Variants in B4GALT1 observed in about 807,000 individuals in gnomAD.
The protein encoded by B4GALT1 is beta-1,4-galactosyltransferase 1.
Under a neutral mutation model 34.9 loss-of-function variants are expected in B4GALT1, and 16 were observed. That is an observed-to-expected ratio of 0.46 (90% CI 0.31 to 0.70). The LOEUF (loss-of-function observed/expected upper bound fraction) is 0.70. Ranked by LOEUF, B4GALT1 falls within the 30% of genes least tolerant of loss-of-function variation. The probability of loss-of-function intolerance (pLI) is 0.05; values close to 1 mark genes in which losing one functional copy is unlikely to be tolerated. For synonymous variants in B4GALT1, 221 were observed against 218.1 expected, an observed-to-expected ratio of 1.01 and a Z score of -0.12; for missense variants, 445 against 530.5, an observed-to-expected ratio of 0.84 and a Z score of 1.58.
chr9:33,148,330 T>C (rs997850434), intron 1 of B4GALT1, among the ~76,000 whole-genome samples: 1 of 152,090 alleles, frequency 6.6e-6, no homozygotes, highest in African/African-American at 2.4e-5. Context: ...TGGCAAAAAA[T>C]AGGAAGCTGG....
At chr9:33,107,480 CCAGGGAGGCGCCACT>C (rs1839806491), downstream of B4GALT1, among the ~76,000 whole-genome samples, 1 of 152,174 alleles carries the variant, frequency 6.6e-6, no homozygotes, top group East Asian at 1.9e-4. Context: ...CATGTCTCGC[CCAGGGAGGCGCCACT>C]CATTCACCCC....
At chr9:33,119,261 G>A (rs961158560) in intron 3 of B4GALT1, among the ~76,000 whole-genome samples, 6 of 152,156 alleles carry the variant, frequency 3.9e-5, no homozygotes, top group Non-Finnish European at 8.8e-5. Context: ...ACAAAACAAT[G>A]GACTATAAGG....
chr9:33,184,443 T>G, the B4GALT1 span, among the ~76,000 whole-genome samples: 1 of 152,142 alleles, frequency 6.6e-6, no homozygotes, highest in Non-Finnish European at 1.5e-5. Context: ...CATAACTGCA[T>G]TTGATAAGCT....
In B4GALT1 at chr9:33,111,146, G is replaced by GGCCCAGGTGA. The variant is rs1430113128; in HGVS notation, c.*2298_*2307dup. On this transcript the variant is annotated 3_prime_UTR_variant, in exon 6 of 6. Coordinates refer to ENST00000379731, the MANE Select transcript of B4GALT1 (RefSeq NM_001497.4). ...CTAACTGTGCCCTGGCTGTGCCTTG[G>GGCCCAGGTGA]GCCCAGGTGAGCCCATGAGAGCACT... 6.6e-6 allele frequency: 1 copy of GGCCCAGGTGA among 151,374 alleles called. No homozygotes were observed. Among genetic ancestry groups the GGCCCAGGTGA allele is most frequent in the Admixed American group, 6.7e-5 (1 of 14,994 alleles). 9.4% of individuals were successfully genotyped at this position (151,374 alleles called of 1,614,324 possible).
At chr9:33,154,790 T>A (rs1840572986) in intron 1 of B4GALT1, among the ~76,000 whole-genome samples, 1 of 152,214 alleles carries the variant, frequency 6.6e-6, no homozygotes, top group Admixed American at 6.5e-5. Context: ...CCAGGATGGC[T>A]TTGAATGCAG....
chr9:33,135,639 G>A (rs1228528080), intron 1 of B4GALT1, among the ~76,000 whole-genome samples: 8 of 152,180 alleles, frequency 5.3e-5, no homozygotes, highest in Non-Finnish European at 1.0e-4. Flanking sequence ...TTCAGTGTGG[G>A]GCAAACCTAG....
At chr9:33,120,360 T>G in intron 3 of B4GALT1, 59 bp downstream of exon 3, 1 of 1,593,050 alleles carries the variant, frequency 6.3e-7, no homozygotes, top group Non-Finnish European at 8.6e-7. Context: ...GGACTGCATT[T>G]CCTAGTCAAC....
intron 1 of B4GALT1, among the ~76,000 whole-genome samples, chr9:33,162,111 T>G (rs961097342): frequency 6.6e-6 from 1 of 152,178 alleles, no homozygotes; most frequent in African/African-American, 2.4e-5. Flanking sequence ...CCAAAGACCA[T>G]AATACCCAGT....
chr9:33,156,928 G>A (rs1238397362), intron 1 of B4GALT1, among the ~76,000 whole-genome samples: 1 of 152,178 alleles, frequency 6.6e-6, no homozygotes, highest in Non-Finnish European at 1.5e-5. Flanking sequence ...ACTTGGCAAA[G>A]GTAGGTGGGT....
At chr9:33,181,436 AC>A in the B4GALT1 span, among the ~76,000 whole-genome samples, 8 of 150,722 alleles carry the variant, frequency 5.3e-5, no homozygotes, top group African/African-American at 2.0e-4. Flanking sequence ...ACACACACAC[AC>A]ACACACACAC....
At chr9:33,135,535 C>A (rs976519857) in intron 1 of B4GALT1, 111 bp from the exon 2 acceptor site, 340 of 1,125,420 alleles carry the variant, frequency 3.0e-4, no homozygotes, top group Admixed American at 9.5e-4. Context: ...AATGTCTCCT[C>A]CTGGGAGGCA....
At chr9:33,147,695 A>G (rs1440653884) in intron 1 of B4GALT1, among the ~76,000 whole-genome samples, 1 of 152,226 alleles carries the variant, frequency 6.6e-6, no homozygotes, top group Non-Finnish European at 1.5e-5. Context: ...GAAAAAGAAG[A>G]GTGCTGGTGA....
intron 1 of B4GALT1, among the ~76,000 whole-genome samples, chr9:33,163,947 T>A (rs887131930): frequency 6.6e-6 from 1 of 152,072 alleles, no homozygotes; most frequent in African/African-American, 2.4e-5. Flanking sequence ...GGGTGCCCGG[T>A]GTGGGGGCGG....
At chr9:33,122,571 T>G (rs545802977) in intron 2 of B4GALT1, among the ~76,000 whole-genome samples, 2 of 152,240 alleles carry the variant, frequency 1.3e-5, no homozygotes, top group South Asian at 4.1e-4. Flanking sequence ...AAAGGCTGCC[T>G]GTGTGCGTAC....
chr9:33,176,318 A>G, the B4GALT1 span, among the ~76,000 whole-genome samples: 1 of 152,204 alleles, frequency 6.6e-6, no homozygotes, highest in African/African-American at 2.4e-5. Context: ...CAATTCTTGT[A>G]GGGGAAAAAA....
intron 3 of B4GALT1, among the ~76,000 whole-genome samples, chr9:33,118,741 A>G (rs182601549): frequency 1.8e-3 from 272 of 152,224 alleles, no homozygotes; most frequent in African/African-American, 6.3e-3. Flanking sequence ...AGCCAACCAC[A>G]CTGTACTAGT....
chr9:33,114,722 A>G (rs941143947), intron 4 of B4GALT1, among the ~76,000 whole-genome samples: 2 of 152,258 alleles, frequency 1.3e-5, no homozygotes, highest in Admixed American at 1.3e-4. Flanking sequence ...GCAGGACAGC[A>G]AAGTTAGTTA....
At chr9:33,181,962 C>T in the B4GALT1 span, among the ~76,000 whole-genome samples, 1 of 142,238 alleles carries the variant, frequency 7.0e-6, no homozygotes, top group African/African-American at 2.6e-5. Context: ...TCTTTTCTTT[C>T]TTTTTTTTTT....
chr9:33,163,685 G>A (rs932579374), intron 1 of B4GALT1, among the ~76,000 whole-genome samples: 12 of 152,234 alleles, frequency 7.9e-5, no homozygotes, highest in African/African-American at 2.2e-4. Flanking sequence ...GAAGCCCAAG[G>A]CCACTGTTCC....
Sources: gnomAD v4.1 joint callset for allele counts (sites outside exome capture counted in the v4.1 genomes callset) on GRCh38, gnomAD v4.1.1 for gene constraint, MANE v1.5 for transcripts, NCBI Gene and HGNC (gene_info 2026-07-23, HGNC 2026-07-21) for gene names.